The following NLRP14 variants were observed in gnomAD, a reference collection of about 807,000 sequenced individuals.
NLRP14 encodes NLR family pyrin domain containing 14.
In NLRP14, 105 loss-of-function variants were observed where a neutral mutation model predicts 94.7. The observed-to-expected ratio is 1.11, with a 90% CI of 0.95 to 1.30. NLRP14 has a LOEUF of 1.30. NLRP14 is among the 50% of genes most tolerant of loss of function. The pLI is 0.00. For missense variants in NLRP14, 1,362 were observed against 1,254.1 expected (o/e 1.09, Z -1.30); for synonymous variants, 508 against 459.9 (o/e 1.10, Z -1.34).
Position 7,043,375 on chromosome 11 carries a change from T to C in NLRP14, c.1349T>C (p.Leu450Pro), listed in dbSNP as rs1852296692. Residue 450 changes from leucine to proline, a missense_variant, in exon 4 of 12, where the codon CTT (leucine) becomes CCT (proline). Physicochemically the swap from Leu to Pro is moderately conservative, Grantham distance 98. Transcript: ENST00000299481. ...YVFYRENLRR[L>P]GLTQSDVSSF... ...TTTTACAGAGAAAATCTCAGAAGGC[T>C]TGGGTTAACTCAATCTGATGTCTCT... 1 of 1,614,096 alleles carries C rather than the reference T, an allele frequency of 6.2e-7. No individual in the cohort carries two copies. Among genetic ancestry groups the C allele is most frequent in the African/African-American group, 1.3e-5 (1 of 74,938 alleles).
the NLRP14 span, chr11:7,090,087 C>T: frequency 4.3e-6 from 7 of 1,611,610 alleles, no homozygotes; most frequent in South Asian, 2.2e-5. Flanking sequence ...CAGCGGCGGC[C>T]GCGACAGTTA....
intron 1 of NLRP14, among the ~76,000 whole-genome samples, chr11:7,035,090 G>T (rs1029765383): frequency 2.6e-5 from 4 of 151,764 alleles, no homozygotes; most frequent in African/African-American, 9.7e-5. Flanking sequence ...TCAGGAGTTG[G>T]AGACTAACAT....
downstream of NLRP14, among the ~76,000 whole-genome samples, chr11:7,072,656 T>G (rs1852819452): frequency 6.6e-6 from 1 of 152,136 alleles, no homozygotes; most frequent in Admixed American, 6.5e-5. Context: ...TTTACTGAAG[T>G]TGTATGCATG....
chr11:7,063,392 C>A (rs80087818), intron 10 of NLRP14, among the ~76,000 whole-genome samples: 1,740 of 152,090 alleles, frequency 0.011, 30 homozygotes, highest in African/African-American at 0.04. Flanking sequence ...TGAAGAGGGT[C>A]CAGATGGATG....
chr11:7,063,610 C>T (rs1476120219), intron 10 of NLRP14, among the ~76,000 whole-genome samples: 2 of 152,154 alleles, frequency 1.3e-5, no homozygotes, highest in East Asian at 3.9e-4. Context: ...ATATCTACCC[C>T]TTGTTTCTAC....
At chr11:7,062,048 A>G (rs1384051865) in intron 9 of NLRP14, among the ~76,000 whole-genome samples, 2 of 152,026 alleles carry the variant, frequency 1.3e-5, no homozygotes, top group East Asian at 3.9e-4. Flanking sequence ...GAAAGTTTAT[A>G]TTCATTTTTT....
At chr11:7,078,769 C>T in the NLRP14 span, among the ~76,000 whole-genome samples, 1 of 151,910 alleles carries the variant, frequency 6.6e-6, no homozygotes, top group East Asian at 1.9e-4. Context: ...GCCTGGGTGA[C>T]AAGAGTGACA....
chr11:7,059,988 A>C lies in NLRP14; in HGVS notation c.2728A>C (p.Asn910His), dbSNP rs1852590664. 1 of 1,612,878 alleles carries C rather than the reference A, an allele frequency of 6.2e-7. No individual in the cohort carries two copies. The highest frequency in any genetic ancestry group is 1.3e-5 in the African/African-American group (1 of 74,960). The change falls in exon 9 of 12, where the codon AAC becomes CAC. Residue 910 changes from asparagine to histidine, a missense_variant. Transcript: ENST00000299481. The part of the protein sequence containing the change: ...KSLTHLDLGS[N>H]WLQDNGVKLL... ...CCTGACGCATCTGGATCTAGGATCA[A>C]ACTGGCTACAAGACAATGGAGTGAA...
chr11:7,090,231 A>C, the NLRP14 span: 3,638 of 1,610,954 alleles, frequency 2.3e-3, 15 homozygotes, highest in Non-Finnish European at 2.6e-3. Flanking sequence ...GTCAGGCTGC[A>C]GGGTGCCCAG....
At chr11:7,044,032 C>A in intron 4 of NLRP14, 48 bp downstream of exon 4, 1 of 1,571,094 alleles carries the variant, frequency 6.4e-7, no homozygotes, top group Non-Finnish European at 8.8e-7. Flanking sequence ...AAGGGAGAGA[C>A]GTAGATATTT....
chr11:7,090,241 G>A, the NLRP14 span: 2 of 1,610,558 alleles, frequency 1.2e-6, no homozygotes, highest in Admixed American at 1.7e-5. Context: ...AGGGTGCCCA[G>A]GGGCGGAGGC....
intron 6 of NLRP14, among the ~76,000 whole-genome samples, chr11:7,053,415 T>C (rs1852470488): frequency 6.6e-6 from 1 of 150,436 alleles, no homozygotes. Flanking sequence ...TTCCGGTTTA[T>C]AAAGATGCTC....
At position 7,060,043 on chromosome 11, in the gene NLRP14, G is replaced by A. The variant is rs931267559; in HGVS notation, c.2783G>A (p.Ser928Asn). 7.4e-6 allele frequency: 12 copies of A among 1,612,562 alleles called. No homozygotes were observed. Among genetic ancestry groups the A allele is most frequent in the African/African-American group, 1.3e-5 (1 of 74,804 alleles). Residue 928 changes from serine (S) to asparagine (N), a missense_variant, in exon 9 of 12, where the codon AGC (serine) becomes AAC (asparagine). Ser to Asn is a conservative substitution (Grantham distance 46, BLOSUM62 1). Transcript: ENST00000299481. ...CTGTGTGATGTCTTTCGGCATCCAA[G>A]CTGTAATCTTCAGGACTTGGAGTAG... The part of the protein sequence containing the change: ...KLLCDVFRHP[S>N]CNLQDLELMG...
rs149318023 is a variant in NLRP14 at position 7,039,460 on chromosome 11, C to T, written c.290-254C>T. ...ATAGACAAGGAAACTGAGGCTTATACACTACACTATTTGCCCTGGAGCTAC... is the reference window on the plus strand; with the variant it reads ...ATAGACAAGGAAACTGAGGCTTATATACTACACTATTTGCCCTGGAGCTAC... On this transcript the variant is annotated intron_variant, in intron 2 of 11. Transcript: ENST00000299481. Among the ~76,000 whole-genome samples, 91 of 152,210 alleles carry T rather than the reference C, an allele frequency of 6.0e-4. 1 individual carries two copies. The highest frequency in any genetic ancestry group is 3.4e-3 in the Middle Eastern group (1 of 294).
chr11:7,041,919 TTATTTC>T (rs932083378), intron 3 of NLRP14, among the ~76,000 whole-genome samples: 1 of 152,144 alleles, frequency 6.6e-6, no homozygotes, highest in African/African-American at 2.4e-5. Flanking sequence ...GATTCAATGT[TTATTTC>T]TATTAACTTT....
chr11:7,038,173 G>C (rs1852188112), intron 1 of NLRP14, among the ~76,000 whole-genome samples: 2 of 152,168 alleles, frequency 1.3e-5, no homozygotes, highest in Non-Finnish European at 2.9e-5. Context: ...CAATACTTAG[G>C]AGGAGCCAGT....
chr11:7,023,402 TA>T (rs1039119452), intron 1 of NLRP14, among the ~76,000 whole-genome samples: 6 of 146,384 alleles, frequency 4.1e-5, no homozygotes, highest in Admixed American at 6.8e-5. Flanking sequence ...ATTTTTTATA[TA>T]AAAACATTTT....
chr11:7,051,080 G>A (rs1035728748), intron 6 of NLRP14, among the ~76,000 whole-genome samples: 4 of 152,192 alleles, frequency 2.6e-5, no homozygotes, highest in East Asian at 1.9e-4. Context: ...GAGTAATGTC[G>A]TCCGCTGGTA....
chr11:7,080,983 G>A, the NLRP14 span, among the ~76,000 whole-genome samples: 1 of 152,114 alleles, frequency 6.6e-6, no homozygotes, highest in Non-Finnish European at 1.5e-5. Context: ...CTCTCAGTTA[G>A]GAGGGGAGGT....
Sources: gnomAD v4.1 joint callset for allele counts (sites outside exome capture counted in the v4.1 genomes callset) on GRCh38, gnomAD v4.1.1 for gene constraint, MANE v1.5 for transcripts, NCBI Gene and HGNC (gene_info 2026-07-23, HGNC 2026-07-21) for gene names.